The following SHISA9 variants were observed in gnomAD, a reference collection of about 807,000 sequenced individuals.
SHISA9 encodes shisa family member 9.
Under a neutral mutation model 38.0 loss-of-function variants are expected in SHISA9, and 13 were observed. That is an observed-to-expected ratio of 0.34 (90% CI 0.22 to 0.54). The LOEUF (loss-of-function observed/expected upper bound fraction) is 0.54. Among genes scored for constraint, SHISA9 ranks in the 20% least tolerant of loss-of-function variants. The pLI, the probability that SHISA9 is intolerant of heterozygous loss-of-function variation, is 0.91. For synonymous variants in SHISA9, 275 were observed against 242.0 expected, an observed-to-expected ratio of 1.14 and a Z score of -1.27; for missense variants, 538 against 575.8, an observed-to-expected ratio of 0.93 and a Z score of 0.67.
the SHISA9 span, among the ~76,000 whole-genome samples, chr16:13,353,907 A>T: frequency 6.6e-6 from 1 of 152,172 alleles, no homozygotes; most frequent in Non-Finnish European, 1.5e-5. Context: ...CTCATCTGTT[A>T]TGAGACTGTA....
chr16:13,380,342 AG>A, the SHISA9 span, among the ~76,000 whole-genome samples: 1 of 152,202 alleles, frequency 6.6e-6, no homozygotes, highest in Non-Finnish European at 1.5e-5. Flanking sequence ...TTTTAAAAGA[AG>A]GGGGGAAAGA....
the SHISA9 span, among the ~76,000 whole-genome samples, chr16:13,392,212 C>T: frequency 6.6e-6 from 1 of 152,110 alleles, no homozygotes; most frequent in East Asian, 1.9e-4. Flanking sequence ...ACTCCCAGTG[C>T]CTTAGAATGT....
chr16:12,936,077 C>T (rs575260104), intron 2 of SHISA9, among the ~76,000 whole-genome samples: 14 of 152,218 alleles, frequency 9.2e-5, no homozygotes, highest in Middle Eastern at 3.4e-3. Context: ...GAATTTAGAA[C>T]GGAGTCTCTG....
chr16:13,504,417 G>A, the SHISA9 span, among the ~76,000 whole-genome samples: 10 of 152,158 alleles, frequency 6.6e-5, no homozygotes, highest in Non-Finnish European at 1.2e-4. Context: ...GGAAAACACG[G>A]GCCAGCATTG....
intron 2 of SHISA9, among the ~76,000 whole-genome samples, chr16:13,067,467 G>C (rs2073448230): frequency 6.6e-6 from 1 of 152,340 alleles, no homozygotes; most frequent in Non-Finnish European, 1.5e-5. Context: ...GTAGGATTCT[G>C]TGTCTCCCCT....
chr16:13,232,008 A>T (rs547524169), intron 4 of SHISA9, among the ~76,000 whole-genome samples: 1 of 152,336 alleles, frequency 6.6e-6, no homozygotes, highest in South Asian at 2.1e-4. Context: ...AAAGGATCTA[A>T]TGAGAAAAGA....
At chr16:13,348,320 C>T in the SHISA9 span, among the ~76,000 whole-genome samples, 1 of 152,072 alleles carries the variant, frequency 6.6e-6, no homozygotes, top group Non-Finnish European at 1.5e-5. Flanking sequence ...GCACCATATT[C>T]ACGCTCCAAA....
intron 2 of SHISA9, among the ~76,000 whole-genome samples, chr16:13,075,186 A>G (rs1034394827): frequency 2.4e-4 from 37 of 152,204 alleles, no homozygotes; most frequent in African/African-American, 8.4e-4. Context: ...TCTGGGAGGT[A>G]GGACCACTGT....
the SHISA9 span, among the ~76,000 whole-genome samples, chr16:13,316,267 C>T: frequency 6.6e-6 from 1 of 152,094 alleles, no homozygotes; most frequent in Non-Finnish European, 1.5e-5. Context: ...CAAAAGTTTC[C>T]TGCAACCACA....
the SHISA9 span, among the ~76,000 whole-genome samples, chr16:13,426,093 T>G: frequency 3.3e-5 from 5 of 152,192 alleles, no homozygotes; most frequent in East Asian, 9.6e-4. Context: ...TCCTTCCTTT[T>G]GTAATAGGAA....
At chr16:13,282,448 G>C in the SHISA9 span, among the ~76,000 whole-genome samples, 1 of 151,838 alleles carries the variant, frequency 6.6e-6, no homozygotes, top group Non-Finnish European at 1.5e-5. Context: ...GTTTTCTACA[G>C]TTTAACTACA....
the SHISA9 span, among the ~76,000 whole-genome samples, chr16:13,354,633 T>G: frequency 7.0e-6 from 1 of 143,334 alleles, no homozygotes; most frequent in Non-Finnish European, 1.6e-5. Flanking sequence ...CCTCTAAAAG[T>G]ATTAAAGCAG....
chr16:13,007,038 T>TTAAATGAA (rs1465872263), intron 2 of SHISA9, among the ~76,000 whole-genome samples: 2 of 152,230 alleles, frequency 1.3e-5, no homozygotes, highest in African/African-American at 4.8e-5. Context: ...TATTCACTTG[T>TTAAATGAA]TAAATGAATA....
intron 1 of SHISA9, among the ~76,000 whole-genome samples, chr16:12,912,999 C>A (rs2071206486): frequency 6.6e-6 from 1 of 152,124 alleles, no homozygotes; most frequent in Admixed American, 6.5e-5. Context: ...TCCAGTGTCA[C>A]CCCCTCACAA....
At chr16:13,490,114 G>A in the SHISA9 span, among the ~76,000 whole-genome samples, 2 of 152,156 alleles carry the variant, frequency 1.3e-5, no homozygotes, top group Non-Finnish European at 2.9e-5. Flanking sequence ...ATCCCTGGGA[G>A]ATGTTTGGCT....
chr16:13,403,239 A>C, the SHISA9 span, among the ~76,000 whole-genome samples: 3 of 152,236 alleles, frequency 2.0e-5, no homozygotes, highest in Non-Finnish European at 4.4e-5. Flanking sequence ...TCCATTATCA[A>C]CACTTGCCTG....
At chr16:13,520,772 A>G in the SHISA9 span, among the ~76,000 whole-genome samples, 6 of 152,088 alleles carry the variant, frequency 3.9e-5, no homozygotes, top group South Asian at 1.2e-3. Flanking sequence ...CAAGAAGTCG[A>G]CTAAGTGATA....
the SHISA9 span, among the ~76,000 whole-genome samples, chr16:13,491,641 G>A: frequency 6.6e-6 from 1 of 151,006 alleles, no homozygotes; most frequent in Non-Finnish European, 1.5e-5. Context: ...GTGCACGCCA[G>A]CAGGCCTGGT....
At chr16:13,134,289 G>C (rs991720895) in intron 2 of SHISA9, among the ~76,000 whole-genome samples, 1 of 152,124 alleles carries the variant, frequency 6.6e-6, no homozygotes. Context: ...AATAATGTAC[G>C]TAAAGCACAT....
Sources: allele counts gnomAD v4.1 joint callset (sites outside exome capture counted in the v4.1 genomes callset), GRCh38; gene constraint gnomAD v4.1.1; transcripts MANE v1.5; gene names NCBI Gene and HGNC (gene_info 2026-07-23, HGNC 2026-07-21).